PRDM8: variants seen among roughly 807,000 people sequenced by gnomAD.
The protein encoded by PRDM8 is PR/SET domain 8.
In PRDM8, 13 loss-of-function variants were observed where a neutral mutation model predicts 46.5. The ratio of observed to expected loss-of-function variants is 0.28; its 90% confidence interval spans 0.18 to 0.44. The LOEUF (loss-of-function observed/expected upper bound fraction) is 0.44, where lower values mean the gene tolerates loss of function less well. Among genes scored for constraint, PRDM8 ranks in the 20% least tolerant of loss-of-function variants. PRDM8 has a pLI of 1.00. For synonymous variants in PRDM8, 473 were observed against 438.4 expected, an observed-to-expected ratio of 1.08 and a Z score of -0.98; for missense variants, 998 against 955.0, an observed-to-expected ratio of 1.04 and a Z score of -0.59.
At position 80,197,772 on chromosome 4, in the gene PRDM8, A is replaced by C; in HGVS notation, c.-3+9A>C. On this transcript the variant is annotated intron_variant, in intron 1 of 3. Transcript: ENST00000415738. Reference sequence around the variant, plus strand: ...TACTGACCTTATTCCTGGTAAGTCTATTTGCATTGATGTGGGAGGGGGATG... The same window carrying C: ...TACTGACCTTATTCCTGGTAAGTCTCTTTGCATTGATGTGGGAGGGGGATG... The C allele has an allele frequency of 1.0e-6, 1 of 985,302 alleles. No individual in the cohort carries two copies. Among genetic ancestry groups the C allele is most frequent in the Non-Finnish European group, 1.2e-6 (1 of 829,512 alleles). 61.0% of individuals were successfully genotyped at this position (985,302 alleles called of 1,614,324 possible). A position where few individuals can be genotyped will look rare whatever the true frequency, so the allele number is the denominator to read the frequency against.
At chr4:80,193,423 A>T (rs943587482), upstream of PRDM8, among the ~76,000 whole-genome samples, 2 of 151,786 alleles carry the variant, frequency 1.3e-5, no homozygotes, top group Non-Finnish European at 2.9e-5. Flanking sequence ...AAACAAACAA[A>T]CCCCTCTGGG....
At chr4:80,197,044 C>T, upstream of PRDM8, 1 of 985,464 alleles carries the variant, frequency 1.0e-6, no homozygotes, top group Non-Finnish European at 1.2e-6. Context: ...CGCAAATCAG[C>T]GGTGGCTCCA....
At position 80,201,902 on chromosome 4, in the gene PRDM8, C is replaced by T. The variant is rs1358232972; in HGVS notation, c.452-12C>T. On this transcript the variant is annotated splice_polypyrimidine_tract_variant and intron_variant, in intron 3 of 3. Coordinates refer to ENST00000415738, the MANE Select transcript of PRDM8 (RefSeq NM_001099403.2). ...CGTGCGTGCGTGTGTGTGGTGTTTG[C>T]TCACTAAGCAGGGTCGTCCCCTTAC... The T allele has an allele frequency of 6.2e-7, 1 of 1,613,448 alleles. No individual in the cohort carries two copies. Among genetic ancestry groups the T allele is most frequent in the South Asian group, 1.1e-5 (1 of 91,050 alleles).
intron 1 of PRDM8, among the ~76,000 whole-genome samples, chr4:80,191,167 T>G (rs1159530911): frequency 6.6e-6 from 1 of 152,104 alleles, no homozygotes; most frequent in Admixed American, 6.5e-5. Context: ...AAAATGACAG[T>G]CCTAAAACTT....
At chr4:80,191,280 T>C (rs17465218) in intron 1 of PRDM8, among the ~76,000 whole-genome samples, 7,644 of 152,312 alleles carry the variant, frequency 0.05, 251 homozygotes, top group Non-Finnish European at 0.074. Flanking sequence ...TATAAAGTTA[T>C]TCAGGCCTAA....
intron 1 of PRDM8, among the ~76,000 whole-genome samples, chr4:80,191,169 C>T (rs1052601175): frequency 2.6e-5 from 4 of 152,168 alleles, no homozygotes; most frequent in Admixed American, 2.6e-4. Context: ...AATGACAGTC[C>T]TAAAACTTAT....
At chr4:80,197,363 G>C, upstream of PRDM8, 1 of 964,920 alleles carries the variant, frequency 1.0e-6, no homozygotes, top group Non-Finnish European at 1.2e-6. Flanking sequence ...CGGGCAGGCC[G>C]GGGGAAAAAG....
Position 80,202,110 on chromosome 4 carries a change from G to C in PRDM8, c.648G>C (p.Gln216His), listed in dbSNP as rs1421431609. The change falls in exon 4 of 4, where the codon CAG becomes CAC. Residue 216 changes from glutamine (Q) to histidine (H), a missense_variant. Physicochemically the swap from Gln to His is conservative, Grantham distance 24 (BLOSUM62 0). Coordinates refer to ENST00000415738, the MANE Select transcript of PRDM8 (RefSeq NM_001099403.2). Reference sequence around the variant, plus strand: ...GTGGCAAAGACCAGCAGCAGCAGCAGCAGGAGGCACCTTTAGGCCCGGGTC... The same window carrying C: ...GTGGCAAAGACCAGCAGCAGCAGCACCAGGAGGCACCTTTAGGCCCGGGTC... ...GGGGKDQQQQ[Q>H]QEAPLGPGPK... is the part of the protein sequence containing the mutation. 2 of 1,609,878 alleles carry C rather than the reference G, an allele frequency of 1.2e-6. No individual in the cohort carries two copies. The highest frequency in any genetic ancestry group is 2.7e-5 in the African/African-American group (2 of 73,660).
At chr4:80,191,433 AAGG>A (rs1467220154) in intron 1 of PRDM8, 4 of 149,228 alleles carry the variant, frequency 2.7e-5, no homozygotes, top group African/African-American at 5.1e-5. Context: ...ACTTCCTTAA[AAGG>A]AGATTATGAA....
In PRDM8 at chr4:80,202,390, G is replaced by C. The variant is rs1022035666; in HGVS notation, c.928G>C (p.Gly310Arg). 1 of 1,578,644 alleles carries C rather than the reference G, an allele frequency of 6.3e-7. No individual in the cohort carries two copies. Among genetic ancestry groups the C allele is most frequent in the East Asian group, 2.3e-5 (1 of 43,278 alleles). Residue 310 changes from glycine to arginine, a missense_variant, in exon 4 of 4, where the codon GGC (glycine) becomes CGC (arginine). Coordinates refer to ENST00000415738, the MANE Select transcript of PRDM8 (RefSeq NM_001099403.2). ...TCCCGACGGCATCGCCACGGGCGGC[G>C]GCAAAGGAAAGAGGAAATTCCCGGA... ...LSPDGIATGG[G>R]KGKRKFPEEA...
rs200471159 is a variant in PRDM8, at chr4:80,203,428, C to T, written c.1966C>T (p.Pro656Ser). 39 of 1,613,442 alleles carry T rather than the reference C, an allele frequency of 2.4e-5. No homozygotes were observed. Among genetic ancestry groups the T allele is most frequent in the Non-Finnish European group, 4.2e-6 (5 of 1,179,836 alleles). Residue 656 changes from proline (P) to serine (S), a missense_variant, in exon 4 of 4, where the codon CCC becomes TCC. By Grantham distance (74) the Pro-to-Ser change is moderately conservative. Transcript: ENST00000415738. ...SHHKKEYAME[P>S]LVKRRREEKL... ...CCACAAAAAGGAGTATGCGATGGAG[C>T]CCTTGGTGAAGCGGCGGCGAGAGGA...
At position 80,200,183 on chromosome 4, in the gene PRDM8, A is replaced by C. The variant is rs780482071; in HGVS notation, c.103A>C (p.Ile35Leu). Reference sequence around the variant, plus strand: ...TACCAGCGTTTACACCACCTGCGACATCCCTGAGAATGCTATATTTGGTCC... The same window carrying C: ...TACCAGCGTTTACACCACCTGCGACCTCCCTGAGAATGCTATATTTGGTCC... ...IFTSVYTTCD[I>L]PENAIFGPCV... Residue 35 changes from isoleucine (I) to leucine (L), a missense_variant, in exon 2 of 4, where the codon ATC becomes CTC. Coordinates refer to ENST00000415738, the MANE Select transcript of PRDM8 (RefSeq NM_001099403.2). The C allele has an allele frequency of 1.2e-6, 2 of 1,614,094 alleles. No individual in the cohort carries two copies. The highest frequency in any genetic ancestry group is 1.7e-6 in the Non-Finnish European group (2 of 1,179,954).
rs1296231864 is a variant in PRDM8 at position 80,200,258 on chromosome 4, C to G, written c.178C>G (p.Leu60Val). 8 of 1,614,072 alleles carry G rather than the reference C, an allele frequency of 5.0e-6. No individual in the cohort carries two copies. Among genetic ancestry groups the G allele is most frequent in the Non-Finnish European group, 6.8e-6 (8 of 1,179,972 alleles). ...SLYDSIAFIALKSTDKRTVPY... is the reference protein window; with the variant it reads ...SLYDSIAFIAVKSTDKRTVPY... The stretch of plus-strand genomic sequence containing the variant: ...ATATGACAGCATAGCTTTCATAGCT[C>G]TCAAGTCTACTGACAAGAGAACAGT... Residue 60 changes from leucine (L) to valine (V), a missense_variant, in exon 2 of 4, where the codon CTC (leucine) becomes GTC (valine). Coordinates refer to ENST00000415738, the MANE Select transcript of PRDM8 (RefSeq NM_001099403.2).
chr4:80,197,524 T>C lies in PRDM8; in HGVS notation c.-242T>C. 1 of 985,920 alleles carries C rather than the reference T, an allele frequency of 1.0e-6. No individual in the cohort carries two copies. The highest frequency in any genetic ancestry group is 1.2e-6 in the Non-Finnish European group (1 of 829,984). 61.1% of individuals were successfully genotyped at this position (985,920 alleles called of 1,614,324 possible). A position where few individuals can be genotyped will look rare whatever the true frequency, so the allele number is the denominator to read the frequency against. ...AGTCAGTCACTGCATCGGGTCCATCTGTACAACTCTCTCCGTTTCTCCGTC... is the reference window on the plus strand; with the variant it reads ...AGTCAGTCACTGCATCGGGTCCATCCGTACAACTCTCTCCGTTTCTCCGTC... On this transcript the variant is annotated 5_prime_UTR_variant, in exon 1 of 4. Coordinates refer to ENST00000415738, the MANE Select transcript of PRDM8 (RefSeq NM_001099403.2).
chr4:80,197,282 G>A (rs925063757), upstream of PRDM8: 10 of 977,904 alleles, frequency 1.0e-5, no homozygotes, highest in Non-Finnish European at 1.2e-5. Flanking sequence ...CCGAGCTTTA[G>A]GAGGAGGCGG....
rs774726884 is a variant in PRDM8, at chr4:80,200,116, T to G, written c.36T>G (p.Asp12Glu). Residue 12 changes from aspartate to glutamate, a missense_variant, in exon 2 of 4, where the codon GAT becomes GAG. Coordinates refer to ENST00000415738, the MANE Select transcript of PRDM8 (RefSeq NM_001099403.2). ...EDTGIQRGIW[D>E]GDAKAVQQCL... ...CTGGCATCCAGCGAGGCATCTGGGA[T>G]GGAGATGCCAAGGCTGTCCAACAAT... is the stretch of plus-strand genomic sequence containing the variant. 7.4e-6 allele frequency: 12 copies of G among 1,613,880 alleles called. No homozygotes were observed. The Admixed American group carries it at 1.5e-4, about 20-fold the overall frequency.
exon 1 of PRDM8, chr4:80,185,319 C>G (rs1324398194): frequency 6.6e-6 from 1 of 152,218 alleles, no homozygotes; most frequent in Non-Finnish European, 1.5e-5. Context: ...CGAGCAAATG[C>G]GATCTCTGAC....
chr4:80,202,242 C>G lies in PRDM8; in HGVS notation c.780C>G (p.Asp260Glu), dbSNP rs1171617775. 6.2e-7 allele frequency: 1 copy of G among 1,611,610 alleles called. No homozygotes were observed. The highest frequency in any genetic ancestry group is 8.5e-7 in the Non-Finnish European group (1 of 1,179,626). Reference protein sequence around the residue: ...AGGSSAKPSTDFHNLARELEN... With the variant: ...AGGSSAKPSTEFHNLARELEN... ...GCAGCAGCGCGAAGCCATCCACAGA[C>G]TTCCACAACCTGGCCAGGGAGCTGG... The change falls in exon 4 of 4, where the codon GAC (aspartate) becomes GAG (glutamate). Residue 260 changes from aspartate to glutamate, a missense_variant. Physicochemically the swap from Asp to Glu is conservative, Grantham distance 45. Coordinates refer to ENST00000415738, the MANE Select transcript of PRDM8 (RefSeq NM_001099403.2).
In PRDM8 at chr4:80,203,299, C is replaced by T. The variant is rs1290600609; in HGVS notation, c.1837C>T (p.Pro613Ser). ...LQLPSALTLL[P>S]PSFTSLCLPA... ...GCTGCCCTCGGCGCTCACGCTGCTG[C>T]CGCCCTCCTTCACCTCGCTGTGTCT... The change falls in exon 4 of 4, where the codon CCG becomes TCG. Residue 613 changes from proline to serine, a missense_variant. By Grantham distance (74) the Pro-to-Ser change is moderately conservative. Transcript: ENST00000415738. 1 of 1,610,114 alleles carries T rather than the reference C, an allele frequency of 6.2e-7. No individual in the cohort carries two copies.
Sources: gnomAD v4.1 joint callset for allele counts (sites outside exome capture counted in the v4.1 genomes callset) on GRCh38, gnomAD v4.1.1 for gene constraint, MANE v1.5 for transcripts, NCBI Gene and HGNC (gene_info 2026-07-23, HGNC 2026-07-21) for gene names.